Variants in PERP observed in about 807,000 individuals in gnomAD.
PERP encodes the protein p53 apoptosis effector related to PMP22, also known as p53 apoptosis effector related to PMP-22.
Under a neutral mutation model 20.3 loss-of-function variants are expected in PERP, and 11 were observed. The ratio of observed to expected loss-of-function variants is 0.54; its 90% CI spans 0.34 to 0.90. The LOEUF (loss-of-function observed/expected upper bound fraction) is 0.90. PERP is among the 40% of genes least tolerant of loss of function. The pLI is 0.02. For missense variants in PERP, 224 were observed against 249.4 expected (o/e 0.90, Z 0.69); for synonymous variants, 101 against 102.0 (o/e 0.99, Z 0.06).
chr6:138,100,488 C>T lies in PERP; in HGVS notation c.215-3994G>A, dbSNP rs941880737. 1.3e-4 allele frequency among the ~76,000 whole-genome samples: 20 copies of T among 152,076 alleles called. 1 individual carries two copies. In the Middle Eastern group the frequency reaches 0.014, roughly 103 times the overall value. The stretch of plus-strand genomic sequence containing the variant: ...AGTTTTTCAAAGGCAGACTGTCCAT[C>T]TTTATCTAATACGAACACAAGTTTG... On this transcript the variant is annotated intron_variant, in intron 1 of 2. Coordinates refer to ENST00000421351, the MANE Select transcript of PERP (RefSeq NM_022121.5).
chr6:138,091,617 AC>A lies in PERP; in HGVS notation c.*424del. On this transcript the variant is annotated 3_prime_UTR_variant, in exon 3 of 3. Coordinates refer to ENST00000421351, the MANE Select transcript of PERP (RefSeq NM_022121.5). ...CTTTTAGAATGTTTGGTCATTAACA[AC>A]TTTTAACCTTATCTTCCTCTTCTCC... The A allele has an allele frequency of 6.5e-6, 1 of 153,294 alleles. No homozygotes were observed. The highest frequency in any genetic ancestry group is 2.4e-5 in the African/African-American group (1 of 41,600). The allele number at this position is 153,294 out of a possible 1,614,324, so 9.5% of individuals were successfully genotyped here. A position where few individuals can be genotyped will look rare whatever the true frequency, so the allele number is the denominator to read the frequency against.
In PERP at chr6:138,090,724, A is replaced by AT. The variant is rs56378127; in HGVS notation, c.*1317dup. ...ATTATATCCCATGTTCTTATTACCC[A>AT]TTTTTTTTTTAATTCCTTTCCCCAG... On this transcript the variant is annotated 3_prime_UTR_variant, in exon 3 of 3. Transcript: ENST00000421351. 0.16 allele frequency: 24,715 copies of AT among 150,434 alleles called. 2,319 individuals carry two copies. The highest frequency in any genetic ancestry group is 0.21 in the Non-Finnish European group (14,369 of 67,398). 9.3% of individuals were successfully genotyped at this position (150,434 alleles called of 1,614,324 possible).
intron 2 of PERP, among the ~76,000 whole-genome samples, chr6:138,092,847 AGGACGC>A (rs1006587947): frequency 7.9e-5 from 12 of 152,152 alleles, no homozygotes; most frequent in Non-Finnish European, 1.6e-4. Flanking sequence ...AAGCCTGCAG[AGGACGC>A]GGAAATCTGA....
intron 2 of PERP, among the ~76,000 whole-genome samples, chr6:138,095,876 GC>G (rs1481625877): frequency 6.6e-6 from 1 of 152,064 alleles, no homozygotes; most frequent in Non-Finnish European, 1.5e-5. Flanking sequence ...TCCAGTTCTG[GC>G]CCCTCCCAGG....
intron 2 of PERP, among the ~76,000 whole-genome samples, chr6:138,094,941 G>A (rs551292382): frequency 7.7e-4 from 117 of 152,112 alleles, no homozygotes; most frequent in African/African-American, 2.6e-3. Flanking sequence ...GGCTGGTCTC[G>A]AACTCCTGAC....
At chr6:138,102,012 G>T (rs1582968402) in intron 1 of PERP, among the ~76,000 whole-genome samples, 2 of 152,064 alleles carry the variant, frequency 1.3e-5, no homozygotes, top group South Asian at 4.2e-4. Context: ...AAATCTAGAG[G>T]ACAACTCATA....
At chr6:138,093,588 A>G (rs1481563368) in intron 2 of PERP, among the ~76,000 whole-genome samples, 1 of 152,198 alleles carries the variant, frequency 6.6e-6, no homozygotes. Flanking sequence ...CATACTGTGT[A>G]AGATACAAAA....
chr6:138,091,885 C>T lies in PERP; in HGVS notation c.*157G>A, dbSNP rs1285027749. Reference sequence around the variant, plus strand: ...AGATAAACATGAAACTATAACACTACTTAAAAAATATTTTCTCCCAAATTA... The same window carrying T: ...AGATAAACATGAAACTATAACACTATTTAAAAAATATTTTCTCCCAAATTA... On this transcript the variant is annotated 3_prime_UTR_variant, in exon 3 of 3. Coordinates refer to ENST00000421351, the MANE Select transcript of PERP (RefSeq NM_022121.5). The T allele has an allele frequency of 1.6e-6, 1 of 638,418 alleles. No individual in the cohort carries two copies. The highest frequency in any genetic ancestry group is 2.8e-5 in the East Asian group (1 of 35,740). 39.5% of individuals were successfully genotyped at this position (638,418 alleles called of 1,614,324 possible). A position where few individuals can be genotyped will look rare whatever the true frequency, so the allele number is the denominator to read the frequency against.
intron 1 of PERP, among the ~76,000 whole-genome samples, chr6:138,098,318 T>A (rs560720906): frequency 6.6e-6 from 1 of 152,288 alleles, no homozygotes; most frequent in East Asian, 1.9e-4. Flanking sequence ...GAAACAAAGA[T>A]GGGGCTGGCA....
chr6:138,099,044 G>A (rs79058578), intron 1 of PERP, among the ~76,000 whole-genome samples: 1 of 152,172 alleles, frequency 6.6e-6, no homozygotes. Context: ...ACCATGCTTT[G>A]GAAAGAACAT....
At chr6:138,092,326 A>C in intron 2 of PERP, 58 bp from the exon 3 acceptor site, 1 of 1,396,688 alleles carries the variant, frequency 7.2e-7, no homozygotes, top group Non-Finnish European at 1.0e-6. Flanking sequence ...AGGAATAAAT[A>C]CACATTAGCG....
chr6:138,099,252 G>C (rs947392522), intron 1 of PERP, among the ~76,000 whole-genome samples: 3 of 152,156 alleles, frequency 2.0e-5, no homozygotes, highest in African/African-American at 7.2e-5. Flanking sequence ...GATGATTAAA[G>C]TCCTTATTAA....
intron 1 of PERP, among the ~76,000 whole-genome samples, chr6:138,106,042 G>T (rs2152013): frequency 2.6e-5 from 4 of 151,924 alleles, no homozygotes; most frequent in Admixed American, 6.5e-5. Flanking sequence ...ATAGTCCCCC[G>T]GAAACACAAA....
chr6:138,093,995 C>G (rs1775634411), intron 2 of PERP, among the ~76,000 whole-genome samples: 1 of 152,128 alleles, frequency 6.6e-6, no homozygotes, highest in African/African-American at 2.4e-5. Context: ...TTGAAGCTCA[C>G]TGAACTAATT....
At chr6:138,102,523 T>A (rs1054759383) in intron 1 of PERP, among the ~76,000 whole-genome samples, 2 of 152,142 alleles carry the variant, frequency 1.3e-5, no homozygotes, top group African/African-American at 4.8e-5. Context: ...TTGAATCTGG[T>A]GTACTTTAAT....
rs1160427347 is a variant in PERP at position 138,090,091 on chromosome 6, C to T, written c.*1951G>A. The T allele has an allele frequency of 1.3e-5, 2 of 152,148 alleles. No individual in the cohort carries two copies. The highest frequency in any genetic ancestry group is 6.5e-5 in the Admixed American group (1 of 15,280). The allele number at this position is 152,148 out of a possible 1,614,324, so 9.4% of individuals were successfully genotyped here. A position where few individuals can be genotyped will look rare whatever the true frequency, so the allele number is the denominator to read the frequency against. The stretch of plus-strand genomic sequence containing the variant: ...GGATTTTTAACATTTTTAATGACCA[C>T]TTCAAATTCTCCACCAGCCACGGCA... On this transcript the variant is annotated 3_prime_UTR_variant, in exon 3 of 3. Coordinates refer to ENST00000421351, the MANE Select transcript of PERP (RefSeq NM_022121.5).
chr6:138,092,034 T>A lies in PERP; in HGVS notation c.*8A>T. ...CAGCAGCGATTTTCTCCCACATTCA[T>A]TCCCAAGTTAGGCAGATGTGTAGAA... On this transcript the variant is annotated 3_prime_UTR_variant, in exon 3 of 3. Transcript: ENST00000421351. 6.2e-7 allele frequency: 1 copy of A among 1,609,942 alleles called. No homozygotes were observed.
At chr6:138,099,614 T>C (rs1256186950) in intron 1 of PERP, among the ~76,000 whole-genome samples, 1 of 152,178 alleles carries the variant, frequency 6.6e-6, no homozygotes, top group African/African-American at 2.4e-5. Context: ...GTTTGAAAAA[T>C]CTAGCCAAAT....
At chr6:138,101,071 T>C (rs959929949) in intron 1 of PERP, among the ~76,000 whole-genome samples, 3 of 152,128 alleles carry the variant, frequency 2.0e-5, no homozygotes, top group South Asian at 2.1e-4. Flanking sequence ...ATAAATACTT[T>C]AAATGTCAAG....
Sources: gnomAD v4.1 joint callset for allele counts (sites outside exome capture counted in the v4.1 genomes callset) on GRCh38, gnomAD v4.1.1 for gene constraint, MANE v1.5 for transcripts, NCBI Gene and HGNC (gene_info 2026-07-23, HGNC 2026-07-21) for gene names.